Variants in CADM2 observed in about 807,000 individuals in gnomAD.
The protein encoded by CADM2 is immunoglobulin superfamily member 4D.
A neutral mutation model predicts 49.8 loss-of-function variants in CADM2; 12 were observed. The observed-to-expected ratio is 0.24, with a 90% confidence interval of 0.15 to 0.39. The LOEUF is 0.39. CADM2 is among the 10% of genes least tolerant of loss of function. The pLI is 1.00. For synonymous variants in CADM2, 214 were observed against 175.4 expected (o/e 1.22, Z -1.74); for missense variants, 378 against 492.3 (o/e 0.77, Z 2.20).
intron 1 of CADM2, among the ~76,000 whole-genome samples, chr3:85,197,176 T>G (rs2107736921): frequency 6.6e-6 from 1 of 151,924 alleles, no homozygotes; most frequent in African/African-American, 2.4e-5. Flanking sequence ...GAGGATAAAT[T>G]TATTGAGTTA....
At chr3:85,206,931 G>T (rs984697949) in intron 1 of CADM2, among the ~76,000 whole-genome samples, 20 of 151,598 alleles carry the variant, frequency 1.3e-4, no homozygotes, top group African/African-American at 4.6e-4. Flanking sequence ...TCATGGTCTT[G>T]TCCTCCTCAA....
At chr3:85,833,458 C>T (rs2074270223) in intron 3 of CADM2, among the ~76,000 whole-genome samples, 1 of 151,628 alleles carries the variant, frequency 6.6e-6, no homozygotes, top group South Asian at 2.1e-4. Context: ...TCCATCTGAT[C>T]CAGGGCTCTT....
chr3:85,247,935 A>T (rs982578094), intron 1 of CADM2, among the ~76,000 whole-genome samples: 17 of 152,170 alleles, frequency 1.1e-4, no homozygotes, highest in African/African-American at 4.1e-4. Flanking sequence ...ATAATTTATC[A>T]TTGGTTTTAT....
chr3:85,215,385 A>G (rs1284321848), intron 1 of CADM2, among the ~76,000 whole-genome samples: 2 of 151,272 alleles, frequency 1.3e-5, no homozygotes, highest in Admixed American at 6.6e-5. Flanking sequence ...AAAAAAAAGA[A>G]AAAAACTTTT....
At chr3:84,973,001 G>T (rs761721483) in intron 1 of CADM2, among the ~76,000 whole-genome samples, 15 of 151,994 alleles carry the variant, frequency 9.9e-5, no homozygotes, top group African/African-American at 3.4e-4. Context: ...TGCAACTTCC[G>T]CCTCCCAGGT....
At chr3:85,949,614 T>C (rs532567822) in intron 7 of CADM2, among the ~76,000 whole-genome samples, 50 of 151,366 alleles carry the variant, frequency 3.3e-4, no homozygotes, top group African/African-American at 1.2e-3. Context: ...TTCAAAACTT[T>C]CAGTTTTAAG....
intron 1 of CADM2, among the ~76,000 whole-genome samples, chr3:85,242,869 C>G (rs962459755): frequency 1.3e-5 from 2 of 151,742 alleles, no homozygotes; most frequent in Non-Finnish European, 3.0e-5. Flanking sequence ...AACTCTTGTT[C>G]AAAAGGCCTA....
chr3:85,591,108 C>T (rs1241252311), intron 1 of CADM2, among the ~76,000 whole-genome samples: 1 of 151,914 alleles, frequency 6.6e-6, no homozygotes, highest in Non-Finnish European at 1.5e-5. Flanking sequence ...TGAAAATCAA[C>T]AATTTGTTGT....
At chr3:85,150,558 T>C (rs886221770) in intron 1 of CADM2, among the ~76,000 whole-genome samples, 1 of 152,160 alleles carries the variant, frequency 6.6e-6, no homozygotes, top group Non-Finnish European at 1.5e-5. Context: ...CCCTACCAGT[T>C]TCCTGAGTTA....
At chr3:85,373,789 T>G (rs945625781) in intron 1 of CADM2, among the ~76,000 whole-genome samples, 1 of 152,140 alleles carries the variant, frequency 6.6e-6, no homozygotes, top group African/African-American at 2.4e-5. Flanking sequence ...GCCTGCACCC[T>G]TTGAAGCAAC....
At chr3:85,835,216 T>C (rs1368620571) in intron 3 of CADM2, among the ~76,000 whole-genome samples, 3 of 151,596 alleles carry the variant, frequency 2.0e-5, no homozygotes, top group Non-Finnish European at 3.0e-5. Context: ...ATACTTGTGA[T>C]TAATGTTTTG....
chr3:85,944,927 C>T (rs1232120726), intron 7 of CADM2, among the ~76,000 whole-genome samples: 1 of 151,876 alleles, frequency 6.6e-6, no homozygotes, highest in East Asian at 1.9e-4. Flanking sequence ...TAACTAAGAT[C>T]AGAGCAGAAC....
At chr3:85,881,397 A>AT (rs1712750615) in intron 3 of CADM2, among the ~76,000 whole-genome samples, 4 of 151,812 alleles carry the variant, frequency 2.6e-5, no homozygotes, top group African/African-American at 9.7e-5. Context: ...GGCATCTTTT[A>AT]TTTTTTCTCA....
chr3:85,254,516 C>G (rs951624897), intron 1 of CADM2, among the ~76,000 whole-genome samples: 1 of 152,064 alleles, frequency 6.6e-6, no homozygotes, highest in Admixed American at 6.6e-5. Context: ...TGCTCTCATC[C>G]TGAAGCTACC....
At chr3:85,932,258 T>C (rs1720699809) in intron 6 of CADM2, among the ~76,000 whole-genome samples, 1 of 152,132 alleles carries the variant, frequency 6.6e-6, no homozygotes, top group Middle Eastern at 3.2e-3. Context: ...GTGGTATCTA[T>C]AGAAATAGAG....
chr3:85,795,696 T>C (rs1196453763), intron 2 of CADM2, among the ~76,000 whole-genome samples: 1 of 152,198 alleles, frequency 6.6e-6, no homozygotes, highest in East Asian at 1.9e-4. Context: ...ATCAATAAGA[T>C]AAGATATTTA....
intron 1 of CADM2, among the ~76,000 whole-genome samples, chr3:85,705,151 C>A (rs1167884812): frequency 6.6e-6 from 1 of 150,702 alleles, no homozygotes; most frequent in Non-Finnish European, 1.5e-5. Context: ...CAGGTGTGAG[C>A]CAGTGCATCC....
At chr3:85,601,501 GTGTTTT>G (rs1389589464) in intron 1 of CADM2, among the ~76,000 whole-genome samples, 3 of 151,044 alleles carry the variant, frequency 2.0e-5, no homozygotes, top group Non-Finnish European at 4.4e-5. Flanking sequence ...GTTTCATAGA[GTGTTTT>G]TGTTTTTGTC....
chr3:85,293,653 T>C (rs1576298438), intron 1 of CADM2, among the ~76,000 whole-genome samples: 1 of 135,302 alleles, frequency 7.4e-6, no homozygotes, highest in East Asian at 2.0e-4. Flanking sequence ...TCAATAAATG[T>C]AATCCAGCAT....
Sources: gnomAD v4.1 joint callset for allele counts (sites outside exome capture counted in the v4.1 genomes callset) on GRCh38, gnomAD v4.1.1 for gene constraint, MANE v1.5 for transcripts, NCBI Gene and HGNC (gene_info 2026-07-23, HGNC 2026-07-21) for gene names.